Variants in ZFR2 observed in about 807,000 individuals in gnomAD.
ZFR2 encodes zinc finger RNA-binding protein 2.
A neutral mutation model predicts 105.7 loss-of-function variants in ZFR2; 104 were observed. The observed-to-expected ratio is 0.98, with a 90% confidence interval of 0.84 to 1.16. ZFR2 has a LOEUF of 1.16. Ranked by LOEUF, ZFR2 falls within the 50% of genes most tolerant of loss-of-function variation. The pLI, the probability that ZFR2 is intolerant of heterozygous loss-of-function variation, is 0.00. For missense variants in ZFR2, 1,425 were observed against 1,355.5 expected, an observed-to-expected ratio of 1.05 and a Z score of -0.80; for synonymous variants, 634 against 597.7, an observed-to-expected ratio of 1.06 and a Z score of -0.89.
rs1385388945 is a variant in ZFR2 at position 3,805,613 on chromosome 19, AG to A, written c.*335del. The A allele has an allele frequency of 4.5e-6, 1 of 221,968 alleles. No individual in the cohort carries two copies. The highest frequency in any genetic ancestry group is 9.9e-5 in the East Asian group (1 of 10,070). The allele number at this position is 221,968 out of a possible 1,614,324, so 13.7% of individuals were successfully genotyped here. On this transcript the variant is annotated 3_prime_UTR_variant, in exon 19 of 19. Coordinates refer to ENST00000262961, the MANE Select transcript of ZFR2 (RefSeq NM_015174.2). ...CGATCTGCCCACCTCGGCCTCTCAA[AG>A]TGCTGGGATTACAGGCGTGAATCAC...
chr19:3,833,451 T>C (rs971067274), intron 3 of ZFR2: 1 of 413,616 alleles, frequency 2.4e-6, no homozygotes, highest in Non-Finnish European at 4.5e-6. Context: ...TTGCAGGCAC[T>C]TGTAGTCCCA....
In ZFR2 at chr19:3,830,363, G is replaced by C. The variant is rs145962802; in HGVS notation, c.852+940C>G. Among the ~76,000 whole-genome samples, 364 of 152,288 alleles carry C rather than the reference G, an allele frequency of 2.4e-3. 3 individuals carry two copies. The highest frequency in any genetic ancestry group is 3.5e-3 in the Non-Finnish European group (240 of 68,008). The stretch of plus-strand genomic sequence containing the variant: ...TGAGGGGAGGATCACTTGAACCCAG[G>C]AGGTGGAGGCTGTAGCGAGCTGTGA... On this transcript the variant is annotated intron_variant, in intron 5 of 18. Transcript: ENST00000262961.
chr19:3,856,028 G>T lies in ZFR2; in HGVS notation c.53+12937C>A, dbSNP rs114633217. On this transcript the variant is annotated intron_variant, in intron 1 of 18. Transcript: ENST00000262961. ...TTTGGCGCTGTGCGCGGATGGAAAT[G>T]GGGGCGAGAGCAGAAGGAAGCGTGA... is the stretch of plus-strand genomic sequence containing the variant. Among the ~76,000 whole-genome samples, 1,389 of 152,338 alleles carry T rather than the reference G, an allele frequency of 9.1e-3. 21 individuals carry two copies. The highest frequency in any genetic ancestry group is 0.032 in the African/African-American group (1,328 of 41,574).
Position 3,819,219 on chromosome 19 carries a change from G to A in ZFR2, c.1757C>T (p.Ala586Val), listed in dbSNP as rs148956962. ...CATGACGTGCCGGTCGTCGCTGGAC[G>A]CCGGCCGCCGCCCGGGCTGTGGGGA... The part of the protein sequence containing the change: ...SAPLQPGRRP[A>V]SSDDRHVMCK... The change falls in exon 12 of 19, where the codon GCG (alanine) becomes GTG (valine). Residue 586 changes from alanine (A) to valine (V), a missense_variant. Transcript: ENST00000262961. 7.0e-4 allele frequency: 1,088 copies of A among 1,547,142 alleles called. 10 individuals carry two copies. The African/African-American group carries it at 0.012, about 16-fold the overall frequency.
chr19:3,859,329 G>A (rs1461444979), intron 1 of ZFR2, among the ~76,000 whole-genome samples: 3 of 152,306 alleles, frequency 2.0e-5, no homozygotes, highest in African/African-American at 4.8e-5. Flanking sequence ...CTGTGCTGTC[G>A]GCTTCCCGAC....
chr19:3,809,213 C>T lies in ZFR2; in HGVS notation c.2434-230G>A, dbSNP rs181570555. Among the ~76,000 whole-genome samples the T allele has an allele frequency of 3.0e-3, 450 of 152,316 alleles. 2 individuals are homozygous for T. The highest frequency in any genetic ancestry group is 8.3e-3 in the African/African-American group (347 of 41,580). On this transcript the variant is annotated intron_variant, in intron 16 of 18. Transcript: ENST00000262961. ...CTGAGAGCGGAGTCTCGCTCTATTG[C>T]CCAGGCTGGAGTGCAGTGGCACGAT... is the stretch of plus-strand genomic sequence containing the variant.
At chr19:3,860,143 G>A (rs577845025) in intron 1 of ZFR2, among the ~76,000 whole-genome samples, 20 of 151,184 alleles carry the variant, frequency 1.3e-4, no homozygotes, top group Non-Finnish European at 2.2e-4. Flanking sequence ...TGACCCTCCC[G>A]CCTCATCCTC....
intron 5 of ZFR2, among the ~76,000 whole-genome samples, chr19:3,829,887 G>A (rs1014628515): frequency 3.3e-5 from 5 of 152,214 alleles, no homozygotes; most frequent in Non-Finnish European, 7.3e-5. Context: ...ATCTTGGTTT[G>A]ATTTCTGCCT....
At chr19:3,819,271 G>A (rs1333583468) in intron 11 of ZFR2, 36 bp from the exon 12 acceptor site, 1 of 1,461,420 alleles carries the variant, frequency 6.8e-7, no homozygotes, top group South Asian at 1.4e-5. Context: ...AGGGTGGTCT[G>A]TGGGGACCCT....
chr19:3,851,334 C>T (rs2038235608), intron 1 of ZFR2, among the ~76,000 whole-genome samples: 1 of 152,130 alleles, frequency 6.6e-6, no homozygotes, highest in African/African-American at 2.4e-5. Context: ...GGCCTGGGAA[C>T]AGCCAAGAGT....
intron 12 of ZFR2, among the ~76,000 whole-genome samples, 157 bp from the exon 13 acceptor site, chr19:3,817,002 G>T (rs1416542384): frequency 6.6e-6 from 1 of 152,192 alleles, no homozygotes; most frequent in Non-Finnish European, 1.5e-5. Context: ...TCTGTCGGAG[G>T]CGCTTGCGGG....
Position 3,838,082 on chromosome 19 carries a change from G to A in ZFR2, c.54-3099C>T, listed in dbSNP as rs571816412. Among the ~76,000 whole-genome samples, 17 of 149,336 alleles carry A rather than the reference G, an allele frequency of 1.1e-4. No individual in the cohort carries two copies. The highest frequency in any genetic ancestry group is 4.4e-4 in the South Asian group (2 of 4,572). On this transcript the variant is annotated intron_variant, in intron 1 of 18. Transcript: ENST00000262961. This position sits in a 1 kb window ranked among gnomAD's most constrained non-coding sequence, Gnocchi z 4.9. The stretch of plus-strand genomic sequence containing the variant: ...GTGACACGTGATGAACACCATGACC[G>A]TGACACGCGATGAACACCGTGACCG...
At chr19:3,837,212 A>C (rs770620394) in intron 1 of ZFR2, among the ~76,000 whole-genome samples, 9 of 152,202 alleles carry the variant, frequency 5.9e-5, no homozygotes, top group African/African-American at 2.2e-4. Flanking sequence ...ATCTCGGCTC[A>C]CTGCAACCTT....
chr19:3,852,254 C>T, intron 1 of ZFR2: 1 of 577,854 alleles, frequency 1.7e-6, no homozygotes, highest in Middle Eastern at 4.7e-4. Flanking sequence ...CTCTCCTGGC[C>T]AGATGGGGCT....
rs1466543778 is a variant in ZFR2 at position 3,820,293 on chromosome 19, G to GCAGGACCGAGACGTGACAGAGCATGGT, written c.1632-30_1632-4dup. The stretch of plus-strand genomic sequence containing the variant: ...GGGGTGGCTCCTCCTCCAGCCGCCT[G>GCAGGACCGAGACGTGACAGAGCATGGT]CAGGACCGAGACGTGACAGAGCATG... On this transcript the variant is annotated splice_polypyrimidine_tract_variant and splice_region_variant and intron_variant, in intron 10 of 18. Coordinates refer to ENST00000262961, the MANE Select transcript of ZFR2 (RefSeq NM_015174.2). 6.5e-7 allele frequency: 1 copy of GCAGGACCGAGACGTGACAGAGCATGGT among 1,543,360 alleles called. No individual in the cohort carries two copies. Among genetic ancestry groups the GCAGGACCGAGACGTGACAGAGCATGGT allele is most frequent in the Non-Finnish European group, 8.7e-7 (1 of 1,145,930 alleles).
In ZFR2 at chr19:3,808,939, C is replaced by T; in HGVS notation, c.2478G>A (p.Gly826=). The T allele has an allele frequency of 6.4e-7, 1 of 1,571,766 alleles. No homozygotes were observed. The highest frequency in any genetic ancestry group is 8.6e-7 in the Non-Finnish European group (1 of 1,160,906). ...LVEKAVSSAA[G]PLGPGDAVRR... ...TGACTGCATCCCCGGGGCCCAGGGG[C>T]CCAGCCGCACTGCTCACAGCCTTCT... is the stretch of plus-strand genomic sequence containing the variant. Residue 826 remains glycine, a synonymous_variant, in exon 17 of 19, where the codon GGG becomes GGA. Coordinates refer to ENST00000262961, the MANE Select transcript of ZFR2 (RefSeq NM_015174.2).
chr19:3,836,149 G>A (rs1267041446), intron 1 of ZFR2, among the ~76,000 whole-genome samples: 2 of 152,050 alleles, frequency 1.3e-5, no homozygotes, highest in East Asian at 1.9e-4. Flanking sequence ...CTAATACAAT[G>A]TAAGCACTAT....
chr19:3,831,994 G>C, intron 3 of ZFR2, 116 bp from the exon 4 acceptor site: 4 of 886,714 alleles, frequency 4.5e-6, no homozygotes, highest in Non-Finnish European at 6.4e-6. Flanking sequence ...GCCAGGACCA[G>C]AGGCCAGAGC....
rs739934 is a variant in ZFR2, at chr19:3,835,052, G to C, written c.54-69C>G. The C allele has an allele frequency of 7.5e-5, 113 of 1,510,922 alleles. No homozygotes were observed. In the Admixed American group the frequency reaches 2.2e-3, roughly 29 times the overall value. 93.6% of individuals were successfully genotyped at this position (1,510,922 alleles called of 1,614,324 possible). A position where few individuals can be genotyped will look rare whatever the true frequency, so the allele number is the denominator to read the frequency against. ...AGTTCTCAGGTGCACTGAGTTGACG[G>C]TGTCAATTCCAGCCACCACTGGACC... On this transcript the variant is annotated intron_variant, in intron 1 of 18. Transcript: ENST00000262961.
Sources: gnomAD v4.1 joint callset for allele counts (sites outside exome capture counted in the v4.1 genomes callset) on GRCh38, gnomAD v4.1.1 for gene constraint, Gnocchi (gnomAD v3.1) non-coding constraint, MANE v1.5 for transcripts, NCBI Gene and HGNC (gene_info 2026-07-23, HGNC 2026-07-21) for gene names.